CUBN: variants seen among roughly 807,000 people sequenced by gnomAD.
The protein encoded by CUBN is 460 kDa receptor.
CUBN carries 282 observed loss-of-function variants against 405.3 expected under a neutral mutation model. The ratio of observed to expected loss-of-function variants is 0.70; its 90% CI spans 0.63 to 0.77. The LOEUF is 0.77. CUBN is among the 30% of genes least tolerant of loss of function. The pLI, the probability that CUBN is intolerant of heterozygous loss-of-function variation, is 0.00. For missense variants in CUBN, 4,514 were observed against 4,475.2 expected (o/e 1.01, Z -0.25); for synonymous variants, 1,684 against 1,617.0 (o/e 1.04, Z -0.99).
rs749460842 is a variant in CUBN, at chr10:16,984,268, G to C, written c.4362C>G (p.Gly1454=). 26 of 1,613,956 alleles carry C rather than the reference G, an allele frequency of 1.6e-5. No homozygotes were observed. Among genetic ancestry groups the C allele is most frequent in the Non-Finnish European group, 2.0e-5 (24 of 1,179,966 alleles). The change falls in exon 30 of 67, where the codon GGC becomes GGG. Residue 1454 remains glycine, a synonymous_variant. Transcript: ENST00000377833. ...CNFDVLEIYG[G]PDFHSPRIAQ... Reference sequence around the variant, plus strand: ...CTATTCTGGGAGAGTGGAAATCGGGGCCTCCATAGATCTAACATGGGATGT... The same window carrying C: ...CTATTCTGGGAGAGTGGAAATCGGGCCCTCCATAGATCTAACATGGGATGT...
rs1840298890 is a variant in CUBN at position 16,869,835 on chromosome 10, C to T, written c.9255G>A (p.Val3085=). The T allele has an allele frequency of 1.2e-6, 2 of 1,612,496 alleles. No homozygotes were observed. Among genetic ancestry groups the T allele is most frequent in the Non-Finnish European group, 1.7e-6 (2 of 1,178,602 alleles). The change falls in exon 59 of 67, where the codon GTG becomes GTA. Residue 3085 remains valine, a synonymous_variant. Coordinates refer to ENST00000377833, the MANE Select transcript of CUBN (RefSeq NM_001081.4). Reference sequence around the variant, plus strand: ...CATGGGAGCAGGAGGTGGAGGGAACCACATCAAAATCACTGAACCTGTGAA... The same window carrying T: ...CATGGGAGCAGGAGGTGGAGGGAACTACATCAAAATCACTGAACCTGTGAA... ...VIELKFSDFD[V]VPSTSCSHDY...
At chr10:17,098,993 T>C (rs1836436226) in intron 14 of CUBN, among the ~76,000 whole-genome samples, 2 of 152,222 alleles carry the variant, frequency 1.3e-5, no homozygotes, top group Admixed American at 1.3e-4. Context: ...AAGTTAATTA[T>C]AGTTTCAATG....
At chr10:16,899,846 C>G (rs1841304827) in intron 53 of CUBN, among the ~76,000 whole-genome samples, 1 of 152,122 alleles carries the variant, frequency 6.6e-6, no homozygotes, top group South Asian at 2.1e-4. Context: ...GGTTGTTAAC[C>G]AGGGGAAGTC....
At chr10:16,947,505 A>G (rs1842819317) in intron 35 of CUBN, 138 bp from the exon 36 acceptor site, 2 of 972,610 alleles carry the variant, frequency 2.1e-6, no homozygotes, top group Admixed American at 4.1e-5. Flanking sequence ...TAAAACATTC[A>G]TGTCATATAA....
At chr10:17,000,817 T>C (rs1205111503) in intron 28 of CUBN, among the ~76,000 whole-genome samples, 1 of 152,186 alleles carries the variant, frequency 6.6e-6, no homozygotes, top group African/African-American at 2.4e-5. Context: ...AGTTTTCTCA[T>C]CCATAATAAG....
At chr10:17,102,049 C>A (rs1313880332) in intron 13 of CUBN, among the ~76,000 whole-genome samples, 1 of 151,538 alleles carries the variant, frequency 6.6e-6, no homozygotes, top group African/African-American at 2.4e-5. Context: ...GTCTCAGTAA[C>A]AACATGATTT....
At position 17,103,226 on chromosome 10, in the gene CUBN, A is replaced by T. The variant is rs1836539802; in HGVS notation, c.1429T>A (p.Ser477Thr). The T allele has an allele frequency of 6.2e-7, 1 of 1,607,782 alleles. No individual in the cohort carries two copies. Among genetic ancestry groups the T allele is most frequent in the Non-Finnish European group, 8.5e-7 (1 of 1,174,394 alleles). ...AAGCTTCCATTTATTCCTGAGAGGG[A>T]CTCTCCACAAACTGCAAAGGAAAAG... ...CQVPQQVCGE[S>T]LSGINGSFSY... Residue 477 changes from serine to threonine, a missense_variant, in exon 13 of 67, where the codon TCC becomes ACC. Transcript: ENST00000377833.
In CUBN at chr10:17,071,429, A is replaced by G. The variant is rs775477538; in HGVS notation, c.2622T>C (p.Val874=). 1.2e-6 allele frequency: 2 copies of G among 1,613,902 alleles called. No homozygotes were observed. The highest frequency in any genetic ancestry group is 3.3e-5 in the Admixed American group (2 of 60,000). ...GSSAHCETDY[V]EIGSSSILGS... is the part of the protein sequence containing the mutation. ...TCAAAGATTTTTTCCCTCTTACCTC[A>G]ACATAATCTGTTTCACAGTGGGCAG... The change falls in exon 19 of 67, where the codon GTT becomes GTC. Residue 874 remains valine (V), a synonymous_variant. Transcript: ENST00000377833.
chr10:17,032,298 C>T (rs1467288815), intron 27 of CUBN, among the ~76,000 whole-genome samples: 2 of 152,130 alleles, frequency 1.3e-5, no homozygotes, highest in Non-Finnish European at 2.9e-5. Context: ...GGATTATTAT[C>T]TTCATTTTAC....
At chr10:16,828,309 T>C (rs1181024642) in intron 66 of CUBN, among the ~76,000 whole-genome samples, 2 of 152,192 alleles carry the variant, frequency 1.3e-5, no homozygotes, top group African/African-American at 4.8e-5. Flanking sequence ...TTAATAGTAA[T>C]TTAATGCAAT....
At chr10:16,936,229 C>T (rs962819469) in intron 39 of CUBN, among the ~76,000 whole-genome samples, 6 of 152,034 alleles carry the variant, frequency 3.9e-5, no homozygotes, top group Non-Finnish European at 2.9e-5. Context: ...TCCTTTTCTA[C>T]CTTGAGGGTT....
rs900449001 is a variant in CUBN, at chr10:16,947,507, G to C, written c.5210-140C>G. On this transcript the variant is annotated intron_variant, in intron 35 of 66. Transcript: ENST00000377833. The stretch of plus-strand genomic sequence containing the variant: ...CCATCTCACATTTTAAAACATTCAT[G>C]TCATATAAAATAAGGGAACAATTCT... The C allele has an allele frequency of 1.8e-5, 17 of 970,796 alleles. No individual in the cohort carries two copies. In the Admixed American group the frequency reaches 1.9e-4, roughly 11 times the overall value. The allele number at this position is 970,796 out of a possible 1,614,324, so 60.1% of individuals were successfully genotyped here.
chr10:17,008,964 A>C (rs7921244), intron 28 of CUBN, among the ~76,000 whole-genome samples: 94,254 of 151,780 alleles, frequency 0.62, 29,320 homozygotes, highest in African/African-American at 0.67. Flanking sequence ...CTTGCATTTA[A>C]CTCCAATGGA....
At chr10:17,053,399 C>T (rs1324926441) in intron 22 of CUBN, among the ~76,000 whole-genome samples, 1 of 151,706 alleles carries the variant, frequency 6.6e-6, no homozygotes, top group Non-Finnish European at 1.5e-5. Flanking sequence ...ACCATATGAA[C>T]AGTAAATATA....
chr10:16,902,771 G>T (rs935868812), intron 51 of CUBN, among the ~76,000 whole-genome samples: 12 of 152,182 alleles, frequency 7.9e-5, no homozygotes, highest in African/African-American at 2.2e-4. Context: ...GAGTGAAAGT[G>T]AAAGAGTGAA....
intron 60 of CUBN, among the ~76,000 whole-genome samples, chr10:16,850,001 C>A (rs1839637571): frequency 6.6e-6 from 1 of 152,234 alleles, no homozygotes; most frequent in Admixed American, 6.5e-5. Context: ...CACTATTCTG[C>A]TTCAACACAG....
intron 54 of CUBN, among the ~76,000 whole-genome samples, chr10:16,892,577 G>A (rs1010999302): frequency 1.3e-5 from 2 of 151,880 alleles, no homozygotes; most frequent in Non-Finnish European, 1.5e-5. Flanking sequence ...CCGCAGCCTC[G>A]ACCTTCTGGA....
At chr10:16,936,907 G>C (rs1183738422) in intron 39 of CUBN, among the ~76,000 whole-genome samples, 1 of 151,980 alleles carries the variant, frequency 6.6e-6, no homozygotes, top group East Asian at 1.9e-4. Context: ...AGTAGAGATG[G>C]GGTTTTGCCA....
At position 17,015,617 on chromosome 10, in the gene CUBN, C is replaced by T. The variant is rs1008458667; in HGVS notation, c.4168+4216G>A. Among the ~76,000 whole-genome samples, 14 of 152,180 alleles carry T rather than the reference C, an allele frequency of 9.2e-5. No homozygotes were observed. In the South Asian group the frequency reaches 2.3e-3, roughly 25 times the overall value. The stretch of plus-strand genomic sequence containing the variant: ...CTGGCCCTCAATGGTTAAATGTAAC[C>T]GGGGCTCAATAAGGGTCATAACATG... On this transcript the variant is annotated intron_variant, in intron 28 of 66. Transcript: ENST00000377833.
Sources: gnomAD v4.1 joint callset for allele counts (sites outside exome capture counted in the v4.1 genomes callset) on GRCh38, gnomAD v4.1.1 for gene constraint, MANE v1.5 for transcripts, NCBI Gene and HGNC (gene_info 2026-07-23, HGNC 2026-07-21) for gene names.